PLCL1: variants seen among roughly 807,000 people sequenced by gnomAD.
The protein encoded by PLCL1 is inactive phospholipase C-like protein 1.
A neutral mutation model predicts 84.4 loss-of-function variants in PLCL1; 41 were observed. The ratio of observed to expected loss-of-function variants is 0.49; its 90% CI spans 0.38 to 0.63. PLCL1 has a LOEUF of 0.63. PLCL1 is among the 30% of genes least tolerant of loss of function. The pLI is 0.00. For synonymous variants in PLCL1, 490 were observed against 488.3 expected (o/e 1.00, Z -0.05); for missense variants, 1,206 against 1,367.8 (o/e 0.88, Z 1.87).
intron 1 of PLCL1, among the ~76,000 whole-genome samples, chr2:198,075,244 C>A (rs1692551295): frequency 6.6e-6 from 1 of 152,170 alleles, no homozygotes; most frequent in South Asian, 2.1e-4. Flanking sequence ...CTTGGCACTT[C>A]TGCTAAGAGT....
chr2:197,820,907 G>T (rs1409511312), intron 1 of PLCL1, among the ~76,000 whole-genome samples: 2 of 152,028 alleles, frequency 1.3e-5, no homozygotes, highest in African/African-American at 4.8e-5. Flanking sequence ...AAGCTTAACT[G>T]TGTTTATCTG....
intron 1 of PLCL1, among the ~76,000 whole-genome samples, chr2:197,862,689 A>G (rs951619927): frequency 1.3e-5 from 2 of 152,182 alleles, no homozygotes; most frequent in African/African-American, 4.8e-5. Flanking sequence ...TTTAAGTACA[A>G]TAGAAAAGAA....
chr2:197,871,484 C>T (rs1687651131), intron 1 of PLCL1, among the ~76,000 whole-genome samples: 1 of 152,038 alleles, frequency 6.6e-6, no homozygotes, highest in Admixed American at 6.6e-5. Context: ...CCTTAGTTTC[C>T]TAGGGCTGCT....
At chr2:198,027,483 T>C (rs920420151) in intron 1 of PLCL1, among the ~76,000 whole-genome samples, 2 of 152,150 alleles carry the variant, frequency 1.3e-5, no homozygotes, top group Admixed American at 6.6e-5. Flanking sequence ...AAATCTCCAA[T>C]AGAATAGATT....
chr2:198,103,630 T>C (rs184181029), intron 4 of PLCL1, among the ~76,000 whole-genome samples, 197 bp from the exon 5 acceptor site: 108 of 152,140 alleles, frequency 7.1e-4, no homozygotes, highest in African/African-American at 2.0e-3. Flanking sequence ...GCCTAATGCA[T>C]TGACTGTTGT....
chr2:197,999,393 T>C (rs1477799728), intron 1 of PLCL1, among the ~76,000 whole-genome samples: 1 of 152,198 alleles, frequency 6.6e-6, no homozygotes, highest in East Asian at 1.9e-4. Context: ...TATTAGAACA[T>C]TTTTACTACA....
At chr2:198,010,625 T>A (rs1690844528) in intron 1 of PLCL1, among the ~76,000 whole-genome samples, 1 of 151,936 alleles carries the variant, frequency 6.6e-6, no homozygotes, top group Non-Finnish European at 1.5e-5. Context: ...TTTTTGTGTG[T>A]CTTTTTCTGG....
At chr2:197,899,479 T>C (rs1688219610) in intron 1 of PLCL1, among the ~76,000 whole-genome samples, 1 of 152,114 alleles carries the variant, frequency 6.6e-6, no homozygotes, top group South Asian at 2.1e-4. Context: ...ATTTGGAAAG[T>C]AATTTAAATA....
At position 198,094,218 on chromosome 2, in the gene PLCL1, T is replaced by C. The variant is rs537463851; in HGVS notation, c.2919+5157T>C. Among the ~76,000 whole-genome samples the C allele has an allele frequency of 2.9e-4, 44 of 152,180 alleles. No homozygotes were observed. In the South Asian group the frequency reaches 5.2e-3, roughly 18 times the overall value. The stretch of plus-strand genomic sequence containing the variant: ...CTGGGACAACAAACACCCACCACCA[T>C]GCCCAGCTAATTTTTTGTATTTTTA... On this transcript the variant is annotated intron_variant, in intron 3 of 5. Coordinates refer to ENST00000428675, the MANE Select transcript of PLCL1 (RefSeq NM_006226.4).
In PLCL1 at chr2:197,949,322, G is replaced by A. The variant is rs144303364; in HGVS notation, c.241-134436G>A. Among the ~76,000 whole-genome samples, 16 of 152,266 alleles carry A rather than the reference G, an allele frequency of 1.1e-4. No homozygotes were observed. The East Asian group carries it at 2.1e-3, about 20-fold the overall frequency. ...AGATGCCCAGATTTGTGAATGAGCAGGTGGAATCTCTCCCTAGTCCAGGAT... is the reference window on the plus strand; with the variant it reads ...AGATGCCCAGATTTGTGAATGAGCAAGTGGAATCTCTCCCTAGTCCAGGAT... On this transcript the variant is annotated intron_variant, in intron 1 of 5. Coordinates refer to ENST00000428675, the MANE Select transcript of PLCL1 (RefSeq NM_006226.4).
At chr2:197,859,379 T>A (rs1158845944) in intron 1 of PLCL1, among the ~76,000 whole-genome samples, 1 of 152,192 alleles carries the variant, frequency 6.6e-6, no homozygotes, top group Non-Finnish European at 1.5e-5. Flanking sequence ...TTGTTTAAAT[T>A]AGATTGAATT....
chr2:198,015,401 T>G (rs1178061921), intron 1 of PLCL1, among the ~76,000 whole-genome samples: 2 of 152,216 alleles, frequency 1.3e-5, no homozygotes, highest in Admixed American at 1.3e-4. Context: ...ACTTTTATTT[T>G]GTTTTTACGA....
At chr2:197,938,529 G>A (rs1689091574) in intron 1 of PLCL1, among the ~76,000 whole-genome samples, 2 of 152,188 alleles carry the variant, frequency 1.3e-5, no homozygotes, top group South Asian at 4.1e-4. Flanking sequence ...TAGGCAAGGG[G>A]TCTTTAGCTT....
chr2:197,907,151 C>T (rs1233366138), intron 1 of PLCL1, among the ~76,000 whole-genome samples: 1 of 152,214 alleles, frequency 6.6e-6, no homozygotes, highest in African/African-American at 2.4e-5. Context: ...CCTCTCTTAC[C>T]ACTCCTATTC....
chr2:197,837,842 A>C (rs147684082), intron 1 of PLCL1, among the ~76,000 whole-genome samples: 1 of 152,358 alleles, frequency 6.6e-6, no homozygotes, highest in African/African-American at 2.4e-5. Context: ...GCATCCAGTT[A>C]GAATATTATG....
At chr2:197,901,345 A>G (rs1247599910) in intron 1 of PLCL1, among the ~76,000 whole-genome samples, 1 of 152,240 alleles carries the variant, frequency 6.6e-6, no homozygotes, top group Non-Finnish European at 1.5e-5. Context: ...TCTTTTTGAT[A>G]CAGGTCAGTA....
intron 1 of PLCL1, among the ~76,000 whole-genome samples, chr2:197,950,948 G>T (rs1559054201): frequency 6.6e-6 from 1 of 152,076 alleles, no homozygotes; most frequent in Non-Finnish European, 1.5e-5. Flanking sequence ...TCGCCTGAGG[G>T]CTGCTTTAGA....
At chr2:198,071,907 G>A (rs1422749763) in intron 1 of PLCL1, among the ~76,000 whole-genome samples, 4 of 151,706 alleles carry the variant, frequency 2.6e-5, no homozygotes, top group African/African-American at 4.8e-5. Flanking sequence ...CTGACATGAA[G>A]CAGAAATCTA....
intron 1 of PLCL1, among the ~76,000 whole-genome samples, chr2:197,900,163 G>A (rs1232926924): frequency 3.9e-5 from 6 of 152,200 alleles, no homozygotes; most frequent in African/African-American, 1.4e-4. Flanking sequence ...TAATTTGTGT[G>A]TTTTGATCAC....
Sources: allele counts gnomAD v4.1 joint callset (sites outside exome capture counted in the v4.1 genomes callset), GRCh38; gene constraint gnomAD v4.1.1; transcripts MANE v1.5; gene names NCBI Gene and HGNC (gene_info 2026-07-23, HGNC 2026-07-21).